Variants in ALG14 observed in about 807,000 individuals in gnomAD.
ALG14 encodes ALG14 UDP-N-acetylglucosaminyltransferase subunit.
Under a neutral mutation model 22.8 loss-of-function variants are expected in ALG14, and 17 were observed. The ratio of observed to expected loss-of-function variants is 0.75; its 90% CI spans 0.51 to 1.12. The LOEUF (loss-of-function observed/expected upper bound fraction) is 1.12, where lower values mean the gene tolerates loss of function less well. Ranked by LOEUF, ALG14 falls within the 50% of genes most tolerant of loss-of-function variation. ALG14 has a pLI of 0.00. For synonymous variants in ALG14, 89 were observed against 103.7 expected (o/e 0.86, Z 0.86); for missense variants, 288 against 271.8 (o/e 1.06, Z -0.42).
At chr1:95,059,192 T>G (rs1040217869) in intron 2 of ALG14, among the ~76,000 whole-genome samples, 1 of 151,566 alleles carries the variant, frequency 6.6e-6, no homozygotes. Flanking sequence ...AGGTCAGGAG[T>G]TCGAGACCAG....
intron 2 of ALG14, among the ~76,000 whole-genome samples, chr1:95,041,039 A>T (rs893478321): frequency 6.6e-6 from 1 of 152,246 alleles, no homozygotes; most frequent in African/African-American, 2.4e-5. Flanking sequence ...TGTTTAAAAT[A>T]CTTTAAAAGC....
At chr1:94,989,058 C>T (rs1183273155) in intron 3 of ALG14, among the ~76,000 whole-genome samples, 1 of 152,066 alleles carries the variant, frequency 6.6e-6, no homozygotes, top group Non-Finnish European at 1.5e-5. Context: ...TTTTTAATGA[C>T]TGCATATATT....
chr1:95,031,959 C>T lies in ALG14; in HGVS notation c.289-4699G>A, dbSNP rs555092777. On this transcript the variant is annotated intron_variant, in intron 2 of 3. Coordinates refer to ENST00000370205, the MANE Select transcript of ALG14 (RefSeq NM_144988.4). ...AAGTAGCTGGGACTACAGGCACGCA[C>T]CACCACACCCACCTAATTTTTGCAT... Among the ~76,000 whole-genome samples, 11 of 152,188 alleles carry T rather than the reference C, an allele frequency of 7.2e-5. No individual in the cohort carries two copies. In the East Asian group the frequency reaches 2.1e-3, roughly 29 times the overall value.
chr1:95,024,278 T>G (rs1305227077), intron 3 of ALG14, among the ~76,000 whole-genome samples: 1 of 152,156 alleles, frequency 6.6e-6, no homozygotes, highest in Admixed American at 6.5e-5. Flanking sequence ...CGCCCGGCCT[T>G]TTAAATAGGG....
intron 3 of ALG14, among the ~76,000 whole-genome samples, chr1:94,999,343 ATTTT>A (rs548389921): frequency 1.4e-4 from 15 of 108,770 alleles, no homozygotes; most frequent in African/African-American, 5.0e-4. Context: ...CAGTAGACCC[ATTTT>A]TTTTTTTTTT....
chr1:94,998,165 T>C (rs1672956026), intron 3 of ALG14, among the ~76,000 whole-genome samples: 1 of 152,212 alleles, frequency 6.6e-6, no homozygotes, highest in Non-Finnish European at 1.5e-5. Context: ...GACAGTCTAT[T>C]CTAGGGCATA....
At chr1:95,012,888 T>G (rs1018284087) in intron 3 of ALG14, among the ~76,000 whole-genome samples, 1 of 152,042 alleles carries the variant, frequency 6.6e-6, no homozygotes, top group Non-Finnish European at 1.5e-5. Context: ...ATCACAGCAC[T>G]TTGGGAGGCC....
chr1:95,027,110 T>C lies in ALG14; in HGVS notation c.420+19A>G, dbSNP rs145885017. 297 of 1,613,558 alleles carry C rather than the reference T, an allele frequency of 1.8e-4. 3 individuals carry two copies. In the East Asian group the frequency reaches 6.2e-3, roughly 33 times the overall value. ...TACAGGGAGTTACTTTCTCTCTCCT[T>C]AGTGATGGTCTTACTTACCAAATCT... On this transcript the variant is annotated intron_variant, in intron 3 of 3. Coordinates refer to ENST00000370205, the MANE Select transcript of ALG14 (RefSeq NM_144988.4).
chr1:95,064,487 C>T (rs772276230), intron 2 of ALG14, among the ~76,000 whole-genome samples: 4 of 152,034 alleles, frequency 2.6e-5, no homozygotes, highest in Non-Finnish European at 5.9e-5. Flanking sequence ...GTTTTTAACA[C>T]GAAAGGATGT....
chr1:95,035,417 A>G (rs1413998215), intron 2 of ALG14, among the ~76,000 whole-genome samples: 1 of 152,254 alleles, frequency 6.6e-6, no homozygotes, highest in East Asian at 1.9e-4. Flanking sequence ...CCTGTAGAAC[A>G]GGGCCATGTC....
chr1:95,064,091 T>C (rs1249915444), intron 2 of ALG14, among the ~76,000 whole-genome samples: 2 of 152,220 alleles, frequency 1.3e-5, no homozygotes, highest in African/African-American at 2.4e-5. Flanking sequence ...TTGCCTGTTG[T>C]TGGTGTATAG....
chr1:94,976,415 G>A lies in ALG14; in HGVS notation c.*6661C>T, dbSNP rs904584110. ...AGAAGTCTCAGATGGCCCCCAGAAC[G>A]GGCATGGTGGCTGACGCCTGTAATT... On this transcript the variant is annotated 3_prime_UTR_variant, in exon 4 of 4. Coordinates refer to ENST00000370205, the MANE Select transcript of ALG14 (RefSeq NM_144988.4). 1 of 152,142 alleles carries A rather than the reference G, an allele frequency of 6.6e-6. No individual in the cohort carries two copies. The highest frequency in any genetic ancestry group is 1.5e-5 in the Non-Finnish European group (1 of 68,022). 9.4% of individuals were successfully genotyped at this position (152,142 alleles called of 1,614,324 possible). A position where few individuals can be genotyped will look rare whatever the true frequency, so the allele number is the denominator to read the frequency against.
At chr1:95,055,093 A>G (rs1208047935) in intron 2 of ALG14, among the ~76,000 whole-genome samples, 2 of 152,226 alleles carry the variant, frequency 1.3e-5, no homozygotes, top group Non-Finnish European at 2.9e-5. Context: ...ATCAACAACC[A>G]AGTATGATTT....
At chr1:94,993,992 C>G (rs1409885085) in intron 3 of ALG14, among the ~76,000 whole-genome samples, 3 of 152,222 alleles carry the variant, frequency 2.0e-5, no homozygotes, top group African/African-American at 7.2e-5. Context: ...CAATGCCACA[C>G]TAGGTTGGTA....
intron 3 of ALG14, among the ~76,000 whole-genome samples, chr1:95,017,014 C>T (rs1480312042): frequency 1.5e-5 from 2 of 135,028 alleles, no homozygotes; most frequent in Non-Finnish European, 3.1e-5. Context: ...TGTGAAATAC[C>T]TTGACCAAAT....
intron 2 of ALG14, among the ~76,000 whole-genome samples, chr1:95,063,406 TA>T (rs1324933189): frequency 6.6e-6 from 1 of 152,240 alleles, no homozygotes. Context: ...GATTTTCTTC[TA>T]GGGTTTTTAT....
intron 2 of ALG14, among the ~76,000 whole-genome samples, chr1:95,029,963 G>C (rs531957340): frequency 1.4e-3 from 209 of 152,256 alleles, no homozygotes; most frequent in African/African-American, 4.6e-3. Flanking sequence ...ATACTGAGTA[G>C]TTCCCAAACT....
intron 2 of ALG14, among the ~76,000 whole-genome samples, chr1:95,056,586 A>G (rs1674940699): frequency 6.6e-6 from 1 of 152,074 alleles, no homozygotes; most frequent in Admixed American, 6.6e-5. Flanking sequence ...TCGAGGCTGC[A>G]GTGAGCTGTG....
intron 2 of ALG14, among the ~76,000 whole-genome samples, chr1:95,034,662 C>CG (rs1229440467): frequency 6.6e-6 from 1 of 152,146 alleles, no homozygotes; most frequent in Non-Finnish European, 1.5e-5. Context: ...GCTGACTCAC[C>CG]TCCTTCTCTA....
Sources: gnomAD v4.1 joint callset for allele counts (sites outside exome capture counted in the v4.1 genomes callset) on GRCh38, gnomAD v4.1.1 for gene constraint, MANE v1.5 for transcripts, NCBI Gene and HGNC (gene_info 2026-07-23, HGNC 2026-07-21) for gene names.